NHSL1: variants seen among roughly 807,000 people sequenced by gnomAD.
NHSL1 encodes NHS-like protein 1.
NHSL1 carries 48 observed loss-of-function variants against 95.0 expected under a neutral mutation model. The observed-to-expected ratio is 0.51, with a 90% CI of 0.40 to 0.64. NHSL1 has a LOEUF of 0.64. Among genes scored for constraint, NHSL1 ranks in the 30% least tolerant of loss-of-function variants. NHSL1 has a pLI of 0.00. For synonymous variants in NHSL1, 783 were observed against 833.9 expected (o/e 0.94, Z 1.05); for missense variants, 1,971 against 2,077.7 (o/e 0.95, Z 1.00).
intron 4 of NHSL1, among the ~76,000 whole-genome samples, chr6:138,443,357 G>A (rs1411488470): frequency 2.6e-5 from 4 of 152,128 alleles, no homozygotes; most frequent in Non-Finnish European, 5.9e-5. Flanking sequence ...ATGACTGAGA[G>A]AAGACCCTTG....
intron 1 of NHSL1, among the ~76,000 whole-genome samples, chr6:138,561,684 G>A (rs965191205): frequency 2.6e-5 from 4 of 152,106 alleles, no homozygotes; most frequent in Admixed American, 2.0e-4. Context: ...CGATGTGCCC[G>A]CCACATGAGG....
intron 1 of NHSL1, among the ~76,000 whole-genome samples, chr6:138,540,771 A>T (rs769445534): frequency 6.6e-6 from 1 of 152,210 alleles, no homozygotes; most frequent in Non-Finnish European, 1.5e-5. Context: ...TAACTTGTGA[A>T]GCAGAAGAGT....
At chr6:138,435,816 T>C (rs1776057157) in intron 5 of NHSL1, among the ~76,000 whole-genome samples, 1 of 152,130 alleles carries the variant, frequency 6.6e-6, no homozygotes, top group Non-Finnish European at 1.5e-5. Context: ...CTAACATGCT[T>C]ACTGTGTGTC....
At chr6:138,665,767 T>C (rs1785286008) in intron 1 of NHSL1, among the ~76,000 whole-genome samples, 1 of 152,212 alleles carries the variant, frequency 6.6e-6, no homozygotes, top group African/African-American at 2.4e-5. Context: ...TTACTAACAC[T>C]TAATTTTTCT....
At chr6:138,475,149 C>CA (rs71009587) in intron 2 of NHSL1, among the ~76,000 whole-genome samples, 23,832 of 100,430 alleles carry the variant, frequency 0.24, 2,418 homozygotes, top group Non-Finnish European at 0.31. Context: ...AACTCGGTCT[C>CA]AAAAAAAAAA....
At chr6:138,437,381 T>TACAC (rs1776220581) in intron 5 of NHSL1, among the ~76,000 whole-genome samples, 1 of 111,212 alleles carries the variant, frequency 9.0e-6, no homozygotes, top group Non-Finnish European at 1.7e-5. Flanking sequence ...TACACATATA[T>TACAC]ATATACACAT....
rs1780540757 is a variant in NHSL1 at position 138,499,245 on chromosome 6, A to G, written c.46T>C (p.Phe16Leu). 6.5e-7 allele frequency: 1 copy of G among 1,549,242 alleles called. No homozygotes were observed. Among genetic ancestry groups the G allele is most frequent in the African/African-American group, 1.4e-5 (1 of 72,956 alleles). Residue 16 changes from phenylalanine (F) to leucine (L), a missense_variant, in exon 1 of 8, where the codon TTT (phenylalanine) becomes CTT (leucine). Phe to Leu is a conservative substitution (Grantham distance 22). This residue lies in a region of NHSL1 where 1,602 missense variants were observed against 1,654.5 expected (regional missense o/e 0.97). Transcript: ENST00000343505. Reference protein sequence around the residue: ...NAKIKSLIKLFKKKTVSNLDE... With the variant: ...NAKIKSLIKLLKKKTVSNLDE... ...AGGAACTACTTACTTTTCTTCTTAA[A>G]AAGTTTAATTAAAGACTTAATCTTT...
intron 1 of NHSL1, among the ~76,000 whole-genome samples, chr6:138,643,187 T>A (rs1467256003): frequency 6.6e-6 from 1 of 152,214 alleles, no homozygotes; most frequent in African/African-American, 2.4e-5. Flanking sequence ...ACATCATCTT[T>A]CCTCCTCACA....
intron 1 of NHSL1, among the ~76,000 whole-genome samples, chr6:138,516,072 A>G (rs903763134): frequency 2.6e-5 from 4 of 152,204 alleles, no homozygotes; most frequent in African/African-American, 9.6e-5. Context: ...GCAGATGCAC[A>G]TGACTGATGA....
chr6:138,634,374 A>G (rs565786723), intron 1 of NHSL1, among the ~76,000 whole-genome samples: 104 of 152,342 alleles, frequency 6.8e-4, no homozygotes, highest in African/African-American at 2.3e-3. Context: ...AAGATATTCC[A>G]TGCCAACAAA....
In NHSL1 at chr6:138,432,339, T is replaced by C; in HGVS notation, c.2006A>G (p.Lys669Arg). The change falls in exon 6 of 8, where the codon AAG becomes AGG. Residue 669 changes from lysine to arginine, a missense_variant. Lys to Arg is a conservative substitution (Grantham distance 26). This residue lies in a region of NHSL1 where 1,602 missense variants were observed against 1,654.5 expected (regional missense o/e 0.97). Transcript: ENST00000343505. The surrounding 1 kb of genome is among the most constrained non-coding windows in gnomAD (Gnocchi z 4.4). The part of the protein sequence containing the change: ...LSRNISLKKA[K>R]KPPLPPSRTD... ...CCGGGAGGGTGGCAGGGGAGGCTTC[T>C]TTGCTTTCTTCAAAGAGATGTTTCT... 6.4e-7 allele frequency: 1 copy of C among 1,551,760 alleles called. No homozygotes were observed. Among genetic ancestry groups the C allele is most frequent in the Non-Finnish European group, 8.7e-7 (1 of 1,147,018 alleles).
intron 1 of NHSL1, among the ~76,000 whole-genome samples, chr6:138,634,729 G>C (rs1434409446): frequency 6.6e-6 from 1 of 151,946 alleles, no homozygotes; most frequent in Non-Finnish European, 1.5e-5. Flanking sequence ...TGCATCCAAT[G>C]GCTGCAGAAT....
chr6:138,687,055 T>C (rs1785593768), intron 1 of NHSL1, among the ~76,000 whole-genome samples: 1 of 152,154 alleles, frequency 6.6e-6, no homozygotes, highest in Admixed American at 6.6e-5. Context: ...CTCTAGCATG[T>C]GGTATGTGTC....
chr6:138,604,166 C>T (rs1410494273), intron 1 of NHSL1, among the ~76,000 whole-genome samples: 1 of 151,758 alleles, frequency 6.6e-6, no homozygotes, highest in Non-Finnish European at 1.5e-5. Context: ...AGAAGTCAAA[C>T]TGTTTCTAAG....
exon 1 of NHSL1, chr6:138,571,986 T>A (rs1265704299): frequency 8.1e-7 from 1 of 1,235,402 alleles, no homozygotes; most frequent in African/African-American, 1.5e-5. Context: ...TTGGCCCAGG[T>A]CCTCTCCACG....
At chr6:138,666,590 C>CAAAAAAAAA (rs10564684) in intron 1 of NHSL1, among the ~76,000 whole-genome samples, 3 of 89,308 alleles carry the variant, frequency 3.4e-5, no homozygotes, top group Non-Finnish European at 4.3e-5. Context: ...GCCTCCATCT[C>CAAAAAAAAA]AAAAAAAAAA....
chr6:138,597,692 C>T (rs1784319708), intron 1 of NHSL1, among the ~76,000 whole-genome samples: 1 of 152,158 alleles, frequency 6.6e-6, no homozygotes, highest in Admixed American at 6.6e-5. Flanking sequence ...GGTTTCATTC[C>T]ATCTTCCAGT....
chr6:138,654,420 ATTC>A (rs1417592571), intron 1 of NHSL1, among the ~76,000 whole-genome samples: 8 of 152,304 alleles, frequency 5.3e-5, no homozygotes, highest in African/African-American at 1.9e-4. Context: ...TGACCCAGCA[ATTC>A]TTCTAGTTTG....
At chr6:138,554,245 GT>G (rs1344128152) in intron 1 of NHSL1, among the ~76,000 whole-genome samples, 2 of 152,192 alleles carry the variant, frequency 1.3e-5, no homozygotes, top group African/African-American at 4.8e-5. Context: ...GTCCTTTCAC[GT>G]TGTGTATTTC....
Sources: gnomAD v4.1 joint callset for allele counts (sites outside exome capture counted in the v4.1 genomes callset) on GRCh38, gnomAD v4.1.1 for gene constraint, gnomAD v4.1.1 regional missense constraint, Gnocchi (gnomAD v3.1) non-coding constraint, MANE v1.5 for transcripts, NCBI Gene and HGNC (gene_info 2026-07-23, HGNC 2026-07-21) for gene names.